The following GALNTL6 variants were observed in gnomAD, a reference collection of about 807,000 sequenced individuals.
The protein encoded by GALNTL6 is polypeptide N-acetylgalactosaminyltransferase like 6, also known as polypeptide N-acetylgalactosaminyltransferase-like 6.
Under a neutral mutation model 73.7 loss-of-function variants are expected in GALNTL6, and 46 were observed. That is an observed-to-expected ratio of 0.62 (90% CI 0.49 to 0.80). GALNTL6 has a LOEUF of 0.80. Among genes scored for constraint, GALNTL6 ranks in the 30% least tolerant of loss-of-function variants. GALNTL6 has a pLI of 0.00. For missense variants in GALNTL6, 604 were observed against 755.0 expected, an observed-to-expected ratio of 0.80 and a Z score of 2.34; for synonymous variants, 259 against 263.7, an observed-to-expected ratio of 0.98 and a Z score of 0.17.
chr4:171,896,025 C>G (rs1736903703), intron 2 of GALNTL6, among the ~76,000 whole-genome samples: 1 of 151,726 alleles, frequency 6.6e-6, no homozygotes, highest in Non-Finnish European at 1.5e-5. Context: ...AGTAAATAAA[C>G]AGAGCCTCCA....
intron 5 of GALNTL6, among the ~76,000 whole-genome samples, chr4:172,405,128 A>G (rs1744163082): frequency 6.6e-6 from 1 of 151,910 alleles, no homozygotes; most frequent in Admixed American, 6.6e-5. Context: ...TGATTCGGAA[A>G]GCCTTCTTGT....
intron 2 of GALNTL6, among the ~76,000 whole-genome samples, chr4:171,894,647 C>G (rs1439338951): frequency 6.6e-6 from 1 of 152,176 alleles, no homozygotes; most frequent in Non-Finnish European, 1.5e-5. Flanking sequence ...CTGGCAGAAG[C>G]CACCCAACCT....
intron 2 of GALNTL6, among the ~76,000 whole-genome samples, chr4:171,867,950 C>T (rs183728669): frequency 6.7e-6 from 1 of 150,214 alleles, no homozygotes; most frequent in South Asian, 2.1e-4. Flanking sequence ...CTTTGTTTAA[C>T]CTTTGGGTTT....
intron 3 of GALNTL6, among the ~76,000 whole-genome samples, chr4:172,298,718 C>A (rs1442031606): frequency 6.6e-6 from 1 of 152,100 alleles, no homozygotes; most frequent in South Asian, 2.1e-4. Context: ...GGATGAAGCC[C>A]ACTTGATCAT....
rs1405466586 is a variant in GALNTL6, at chr4:172,289,523, A to G, written c.248-22091A>G. Among the ~76,000 whole-genome samples the G allele has an allele frequency of 1.3e-5, 2 of 152,152 alleles. 1 individual carries two copies. The highest frequency in any genetic ancestry group is 1.3e-4 in the Admixed American group (2 of 15,248). ...TACATTTATTTTCTTAATGACAACA[A>G]TTATTTTGGAAAGAACATATGTGAG... On this transcript the variant is annotated intron_variant, in intron 3 of 12. Transcript: ENST00000506823.
chr4:171,917,370 A>G (rs1364031314), intron 2 of GALNTL6, among the ~76,000 whole-genome samples: 1 of 152,086 alleles, frequency 6.6e-6, no homozygotes, highest in Non-Finnish European at 1.5e-5. Flanking sequence ...TTTGAACCCA[A>G]CTTTCAGATA....
chr4:172,948,188 C>A (rs1749265796), intron 9 of GALNTL6, among the ~76,000 whole-genome samples: 1 of 152,128 alleles, frequency 6.6e-6, no homozygotes, highest in African/African-American at 2.4e-5. Flanking sequence ...GTCTAATGAG[C>A]CAATGGGGAC....
intron 2 of GALNTL6, among the ~76,000 whole-genome samples, chr4:172,050,261 G>C (rs1377974761): frequency 3.3e-5 from 5 of 152,134 alleles, no homozygotes; most frequent in Admixed American, 1.3e-4. Flanking sequence ...GAATCAGGCG[G>C]TTCAGGCTTT....
intron 2 of GALNTL6, among the ~76,000 whole-genome samples, chr4:172,228,720 A>G (rs886691178): frequency 1.3e-5 from 2 of 152,218 alleles, no homozygotes; most frequent in Non-Finnish European, 1.5e-5. Context: ...AAAAAATAGC[A>G]TGTGAATTTG....
intron 5 of GALNTL6, among the ~76,000 whole-genome samples, chr4:172,582,834 GT>G (rs1737245632): frequency 6.6e-6 from 1 of 150,620 alleles, no homozygotes; most frequent in Admixed American, 6.6e-5. Context: ...TATAATTAAG[GT>G]TATGTTTATG....
intron 2 of GALNTL6, among the ~76,000 whole-genome samples, chr4:171,871,822 T>C (rs1736145706): frequency 6.6e-6 from 1 of 152,178 alleles, no homozygotes; most frequent in African/African-American, 2.4e-5. Flanking sequence ...AATAACAACG[T>C]AGTCAACATG....
intron 2 of GALNTL6, among the ~76,000 whole-genome samples, chr4:172,206,053 AATAT>A (rs199997288): frequency 1.3e-5 from 2 of 151,984 alleles, no homozygotes; most frequent in Non-Finnish European, 2.9e-5. Flanking sequence ...TATTTATATA[AATAT>A]ATATATGTTT....
chr4:172,156,543 A>C (rs1376316125), intron 2 of GALNTL6, among the ~76,000 whole-genome samples: 1,215 of 19,350 alleles, frequency 0.063, 48 homozygotes, highest in African/African-American at 0.16. Flanking sequence ...TATATATAAT[A>C]TATATATATA....
At chr4:172,935,905 G>A (rs199809730) in intron 9 of GALNTL6, among the ~76,000 whole-genome samples, 1 of 152,170 alleles carries the variant, frequency 6.6e-6, no homozygotes, top group South Asian at 2.1e-4. Context: ...AATAGATAGA[G>A]AGGGAATCCT....
At chr4:172,384,304 T>C (rs1743386785) in intron 5 of GALNTL6, among the ~76,000 whole-genome samples, 1 of 152,124 alleles carries the variant, frequency 6.6e-6, no homozygotes, top group Admixed American at 6.5e-5. Flanking sequence ...TTTCCAGATT[T>C]TTTATTTATC....
Position 172,340,140 on chromosome 4 carries a change from T to C in GALNTL6, c.387-8383T>C, listed in dbSNP as rs567654222. Among the ~76,000 whole-genome samples the C allele has an allele frequency of 5.9e-5, 9 of 152,324 alleles. 1 individual carries two copies. The highest frequency in any genetic ancestry group is 2.2e-4 in the African/African-American group (9 of 41,584). ...ATATTAGCTGTGGGCTTTTTATATA[T>C]GGCATGTATTAAGTTGAATTAATTT... is the stretch of plus-strand genomic sequence containing the variant. On this transcript the variant is annotated intron_variant, in intron 4 of 12. Transcript: ENST00000506823.
chr4:172,637,207 A>G (rs1739737013), intron 5 of GALNTL6, among the ~76,000 whole-genome samples: 1 of 152,200 alleles, frequency 6.6e-6, no homozygotes, highest in Non-Finnish European at 1.5e-5. Context: ...GTAAGGATAA[A>G]AAATTAAAAC....
chr4:171,893,815 A>T (rs189545802), intron 2 of GALNTL6, among the ~76,000 whole-genome samples: 1 of 152,310 alleles, frequency 6.6e-6, no homozygotes, highest in Admixed American at 6.5e-5. Flanking sequence ...ACAGACTGCT[A>T]AACTGAAAAA....
chr4:171,914,494 G>A (rs1469599178), intron 2 of GALNTL6, among the ~76,000 whole-genome samples: 4 of 138,338 alleles, frequency 2.9e-5, no homozygotes, highest in Non-Finnish European at 6.2e-5. Context: ...GCAGTGGTGT[G>A]ATCTCGGCTC....
Sources: allele counts gnomAD v4.1 joint callset (sites outside exome capture counted in the v4.1 genomes callset), GRCh38; gene constraint gnomAD v4.1.1; transcripts MANE v1.5; gene names NCBI Gene and HGNC (gene_info 2026-07-23, HGNC 2026-07-21).